The following AKAP12 variants were observed in gnomAD, a reference collection of about 807,000 sequenced individuals.
AKAP12 encodes A-kinase anchor protein 12.
A neutral mutation model predicts 79.9 loss-of-function variants in AKAP12; 32 were observed. The observed-to-expected ratio is 0.40, with a 90% CI of 0.30 to 0.54. The LOEUF is 0.54. Ranked by LOEUF, AKAP12 falls within the 20% of genes least tolerant of loss-of-function variation. The pLI is 0.48. For missense variants in AKAP12, 2,074 were observed against 2,177.0 expected (o/e 0.95, Z 0.94); for synonymous variants, 808 against 857.0 (o/e 0.94, Z 1.00).
In AKAP12 at chr6:151,240,682, C is replaced by T; in HGVS notation, c.120C>T (p.Thr40=). The change falls in exon 2 of 5, where the codon ACC becomes ACT. Residue 40 remains threonine (T), a synonymous_variant. Coordinates refer to ENST00000402676, the MANE Select transcript of AKAP12 (RefSeq NM_005100.4). The stretch of plus-strand genomic sequence containing the variant: ...CCTCGGCCGAGGCGGCGCCAGACAC[C>T]ACCGCGGACCCCGCCATCGCTGCCT... The part of the protein sequence containing the change: ...GGPSAEAAPD[T]TADPAIAASD... 1.6e-6 allele frequency: 2 copies of T among 1,290,054 alleles called. No individual in the cohort carries two copies. Among genetic ancestry groups the T allele is most frequent in the Non-Finnish European group, 2.0e-6 (2 of 1,021,408 alleles). The allele number at this position is 1,290,054 out of a possible 1,614,324, so 79.9% of individuals were successfully genotyped here. A position where few individuals can be genotyped will look rare whatever the true frequency, so the allele number is the denominator to read the frequency against.
chr6:151,255,126 A>G (rs1251402255), intron 2 of AKAP12, among the ~76,000 whole-genome samples: 2 of 152,028 alleles, frequency 1.3e-5, no homozygotes, highest in Non-Finnish European at 2.9e-5. Flanking sequence ...TTACAGTTAT[A>G]GGCAGGTGAC....
chr6:151,352,669 G>T lies in AKAP12; in HGVS notation c.4278G>T (p.Glu1426Asp). The change falls in exon 4 of 5, where the codon GAG becomes GAT. Residue 1426 changes from glutamate to aspartate, a missense_variant. Physicochemically the swap from Glu to Asp is conservative, Grantham distance 45. Transcript: ENST00000402676. ...CATTCACTCTAACAGCGGCTGCAGA[G>T]GAGGAAAAGGTCTTAGGAGAAACTG... ...EASFTLTAAA[E>D]EEKVLGETAN... The T allele has an allele frequency of 6.2e-7, 1 of 1,614,194 alleles. No individual in the cohort carries two copies. The highest frequency in any genetic ancestry group is 1.7e-4 in the Middle Eastern group (1 of 6,060).
intron 3 of AKAP12, among the ~76,000 whole-genome samples, chr6:151,315,181 G>A (rs1010119787): frequency 1.3e-4 from 20 of 152,094 alleles, no homozygotes; most frequent in Admixed American, 8.5e-4. Flanking sequence ...GTCTTAGTCC[G>A]TTCAGGCTGT....
At chr6:151,267,936 G>A (rs1776082722) in intron 2 of AKAP12, among the ~76,000 whole-genome samples, 1 of 152,190 alleles carries the variant, frequency 6.6e-6, no homozygotes, top group Non-Finnish European at 1.5e-5. Flanking sequence ...TTTGCTGATA[G>A]AGTGGGCTGA....
intron 2 of AKAP12, among the ~76,000 whole-genome samples, chr6:151,294,869 G>A (rs552063604): frequency 3.9e-4 from 60 of 152,292 alleles, no homozygotes; most frequent in African/African-American, 1.4e-3. Flanking sequence ...CTTTAGTTAT[G>A]GGGAATGTTA....
chr6:151,258,810 T>A (rs1451647372), intron 2 of AKAP12, among the ~76,000 whole-genome samples: 1 of 151,640 alleles, frequency 6.6e-6, no homozygotes, highest in Non-Finnish European at 1.5e-5. Flanking sequence ...GTATTTTTAG[T>A]AGAGACAGGG....
intron 2 of AKAP12, among the ~76,000 whole-genome samples, chr6:151,297,817 C>T (rs1345826390): frequency 2.0e-5 from 3 of 152,076 alleles, no homozygotes; most frequent in Admixed American, 6.6e-5. Flanking sequence ...TTGAAACCCT[C>T]CTTAACAGAA....
chr6:151,353,237 G>C lies in AKAP12; in HGVS notation c.4846G>C (p.Glu1616Gln). 1.2e-6 allele frequency: 2 copies of C among 1,614,196 alleles called. No homozygotes were observed. Among genetic ancestry groups the C allele is most frequent in the South Asian group, 1.1e-5 (1 of 91,080 alleles). ...TGAAACACCAATTACTTCAGCCAAA[G>C]AGGAGTCAGAGTCAACCGCAGTGGG... ...QDETPITSAK[E>Q]ESESTAVGQA... is the part of the protein sequence containing the mutation. The change falls in exon 4 of 5, where the codon GAG (glutamate) becomes CAG (glutamine). Residue 1616 changes from glutamate (E) to glutamine (Q), a missense_variant. This residue lies in a region of AKAP12 where 614 missense variants were observed against 665.6 expected (regional missense o/e 0.92). Transcript: ENST00000402676.
chr6:151,307,186 T>C (rs1175891114), intron 3 of AKAP12, among the ~76,000 whole-genome samples: 22 of 152,222 alleles, frequency 1.4e-4, no homozygotes, highest in Admixed American at 1.4e-3. Context: ...ACACTTTATG[T>C]GCTTTTATTA....
intron 3 of AKAP12, 56 bp downstream of exon 3, chr6:151,305,959 C>A: frequency 6.5e-7 from 1 of 1,533,836 alleles, no homozygotes; most frequent in South Asian, 1.2e-5. Flanking sequence ...AAACTTTGGA[C>A]TCAGCAGAAA....
In AKAP12 at chr6:151,348,787, C is replaced by T. The variant is rs753723783; in HGVS notation, c.396C>T (p.His132=). ...TGGCTACTAAGTCAGCGGTTGTTCA[C>T]GACATCACAGATGATGGGCAGGAGG... ...KEMATKSAVV[H]DITDDGQEET... Residue 132 remains histidine (H), a synonymous_variant, in exon 4 of 5, where the codon CAC becomes CAT. Transcript: ENST00000402676. The T allele has an allele frequency of 1.6e-5, 25 of 1,564,062 alleles. No individual in the cohort carries two copies. Among genetic ancestry groups the T allele is most frequent in the Middle Eastern group, 1.7e-4 (1 of 5,822 alleles).
At position 151,240,608 on chromosome 6, in the gene AKAP12, C is replaced by G. The variant is rs1304196278; in HGVS notation, c.46C>G (p.Pro16Ala). The G allele has an allele frequency of 7.1e-7, 1 of 1,410,412 alleles. No individual in the cohort carries two copies. The highest frequency in any genetic ancestry group is 9.2e-7 in the Non-Finnish European group (1 of 1,086,150). 87.4% of individuals were successfully genotyped at this position (1,410,412 alleles called of 1,614,324 possible). A position where few individuals can be genotyped will look rare whatever the true frequency, so the allele number is the denominator to read the frequency against. The change falls in exon 2 of 5, where the codon CCC becomes GCC. Residue 16 changes from proline (P) to alanine (A), a missense_variant. Coordinates refer to ENST00000402676, the MANE Select transcript of AKAP12 (RefSeq NM_005100.4). ...CGAGCAGCGCAGCCCGGAGCAGCCG[C>G]CCGAGGGGAGCTCCACGCCGGCTGA... Reference protein sequence around the residue: ...STEQRSPEQPPEGSSTPAEPE... With the variant: ...STEQRSPEQPAEGSSTPAEPE...
At chr6:151,348,680 T>TGGGGGGGGGCCCCCCCCCC in intron 3 of AKAP12, 31 bp from the exon 4 acceptor site, 1 of 355,202 alleles carries the variant, frequency 2.8e-6, no homozygotes. Context: ...TTTTCTCTTC[T>TGGGGGGGGGCCCCCCCCCC]CCCCACCCCC....
chr6:151,348,830 G>A lies in AKAP12; in HGVS notation c.439G>A (p.Glu147Lys), dbSNP rs138659689. ...GCAGGAGGAGACACCCGAAATAATC[G>A]AACAGATTCCTTCTTCAGAAAGCAA... The part of the protein sequence containing the change: ...DGQEETPEII[E>K]QIPSSESNLE... The change falls in exon 4 of 5, where the codon GAA becomes AAA. Residue 147 changes from glutamate to lysine, a missense_variant. This residue lies in a region of AKAP12 where 1,428 missense variants were observed against 1,451.0 expected (regional missense o/e 0.98). Coordinates refer to ENST00000402676, the MANE Select transcript of AKAP12 (RefSeq NM_005100.4). 26 of 1,614,070 alleles carry A rather than the reference G, an allele frequency of 1.6e-5. No individual in the cohort carries two copies. The East Asian group carries it at 4.2e-4, about 26-fold the overall frequency.
intron 4 of AKAP12, among the ~76,000 whole-genome samples, chr6:151,354,574 C>A (rs554745048): frequency 6.7e-6 from 1 of 149,218 alleles, no homozygotes; most frequent in Non-Finnish European, 1.5e-5. Context: ...GGGTTTTCAC[C>A]GTGTTAGCCA....
chr6:151,274,674 T>C (rs970441990), intron 2 of AKAP12, among the ~76,000 whole-genome samples: 1 of 152,170 alleles, frequency 6.6e-6, no homozygotes, highest in Admixed American at 6.5e-5. Flanking sequence ...ATTATCACTT[T>C]TGTGTGTTCT....
intron 2 of AKAP12, among the ~76,000 whole-genome samples, chr6:151,251,398 C>T (rs891459384): frequency 2.6e-5 from 4 of 152,158 alleles, no homozygotes; most frequent in Non-Finnish European, 5.9e-5. Flanking sequence ...GAAAGGGTGA[C>T]TTCAGGGAGA....
intron 2 of AKAP12, among the ~76,000 whole-genome samples, chr6:151,293,107 A>G (rs544566486): frequency 6.6e-6 from 1 of 152,360 alleles, no homozygotes; most frequent in Admixed American, 6.5e-5. Context: ...GAAACTATTT[A>G]GCCTTTCTGT....
intron 3 of AKAP12, among the ~76,000 whole-genome samples, chr6:151,312,786 C>G (rs1777144171): frequency 1.0e-5 from 1 of 97,006 alleles, no homozygotes; most frequent in Non-Finnish European, 1.9e-5. Flanking sequence ...GAGGGAGACT[C>G]TGTCTCCAAA....
Sources: allele counts gnomAD v4.1 joint callset (sites outside exome capture counted in the v4.1 genomes callset), GRCh38; gene constraint gnomAD v4.1.1; regional missense constraint gnomAD v4.1.1; transcripts MANE v1.5; gene names NCBI Gene and HGNC (gene_info 2026-07-23, HGNC 2026-07-21).